CAMK1D: variants seen among roughly 807,000 people sequenced by gnomAD.
CAMK1D encodes calcium/calmodulin-dependent protein kinase type 1D.
CAMK1D carries 9 observed loss-of-function variants against 47.7 expected under a neutral mutation model. That is an observed-to-expected ratio of 0.19 (90% confidence interval 0.11 to 0.33). The LOEUF (loss-of-function observed/expected upper bound fraction) is 0.33. CAMK1D is among the 10% of genes least tolerant of loss of function. The pLI, the probability that CAMK1D is intolerant of heterozygous loss-of-function variation, is 1.00. For missense variants in CAMK1D, 291 were observed against 488.7 expected (o/e 0.60, Z 3.81); for synonymous variants, 184 against 184.9 (o/e 0.99, Z 0.04).
At chr10:12,735,536 C>T (rs1023655597) in intron 3 of CAMK1D, among the ~76,000 whole-genome samples, 5 of 152,132 alleles carry the variant, frequency 3.3e-5, no homozygotes, top group Admixed American at 1.3e-4. Context: ...AGCGGAGGGG[C>T]GAACCTTCGG....
chr10:12,666,484 G>A (rs762333228), intron 2 of CAMK1D, among the ~76,000 whole-genome samples: 1 of 152,154 alleles, frequency 6.6e-6, no homozygotes, highest in Non-Finnish European at 1.5e-5. Flanking sequence ...TTCACATGAA[G>A]CAACAATTGT....
At chr10:12,424,241 T>C (rs1016126559) in intron 1 of CAMK1D, among the ~76,000 whole-genome samples, 2 of 152,082 alleles carry the variant, frequency 1.3e-5, no homozygotes, top group Non-Finnish European at 2.9e-5. Context: ...GTGAGCTCCA[T>C]TGTCCCCTCC....
chr10:12,814,917 T>C (rs1486140291), intron 7 of CAMK1D, among the ~76,000 whole-genome samples: 1 of 152,146 alleles, frequency 6.6e-6, no homozygotes, highest in Non-Finnish European at 1.5e-5. Context: ...ATCCACCTCT[T>C]CTAGCCATGC....
intron 3 of CAMK1D, among the ~76,000 whole-genome samples, chr10:12,695,901 A>T (rs1833276004): frequency 6.6e-6 from 1 of 152,020 alleles, no homozygotes; most frequent in African/African-American, 2.4e-5. Flanking sequence ...ACATAGTGAA[A>T]CCCCGTCTCT....
intron 1 of CAMK1D, among the ~76,000 whole-genome samples, chr10:12,486,789 A>G (rs962214131): frequency 1.3e-5 from 2 of 152,136 alleles, no homozygotes; most frequent in African/African-American, 4.8e-5. Context: ...CATTTCATGC[A>G]TTACCAGGCA....
intron 3 of CAMK1D, among the ~76,000 whole-genome samples, chr10:12,745,371 T>C (rs1169289480): frequency 6.6e-6 from 1 of 152,132 alleles, no homozygotes; most frequent in African/African-American, 2.4e-5. Flanking sequence ...CCAAAGCTTA[T>C]AGTTATTTTC....
intron 2 of CAMK1D, among the ~76,000 whole-genome samples, chr10:12,613,316 G>A (rs569470926): frequency 3.3e-5 from 5 of 152,322 alleles, no homozygotes; most frequent in African/African-American, 9.6e-5. Flanking sequence ...GCAGCAGCAC[G>A]CTAGTGGTAA....
At chr10:12,355,713 A>G (rs2131833512) in intron 1 of CAMK1D, among the ~76,000 whole-genome samples, 1 of 152,288 alleles carries the variant, frequency 6.6e-6, no homozygotes, top group Admixed American at 6.5e-5. Flanking sequence ...TGGATTCCCC[A>G]GTCCTCTTGT....
At chr10:12,801,347 ATCT>A (rs1232086072) in intron 6 of CAMK1D, among the ~76,000 whole-genome samples, 126 of 106,528 alleles carry the variant, frequency 1.2e-3, no homozygotes, top group Middle Eastern at 4.5e-3. Flanking sequence ...CTATCTATCT[ATCT>A]ATCTTATCTA....
At chr10:12,376,844 T>C (rs971168161) in intron 1 of CAMK1D, among the ~76,000 whole-genome samples, 1 of 151,244 alleles carries the variant, frequency 6.6e-6, no homozygotes, top group Non-Finnish European at 1.5e-5. Context: ...ATCTCCACCC[T>C]CTGCCTCCTA....
chr10:12,744,656 T>A lies in CAMK1D; in HGVS notation c.300-16292T>A, dbSNP rs1835581736. Among the ~76,000 whole-genome samples the A allele has an allele frequency of 2.6e-5, 4 of 151,738 alleles. No homozygotes were observed. In the South Asian group the frequency reaches 8.3e-4, roughly 32 times the overall value. The stretch of plus-strand genomic sequence containing the variant: ...CCTGTATCCCAGCACTTTGGGAGGC[T>A]GAAGTGGGAGGATCACTTGAGGCTG... On this transcript the variant is annotated intron_variant, in intron 3 of 10. Coordinates refer to ENST00000619168, the MANE Select transcript of CAMK1D (RefSeq NM_153498.4).
At chr10:12,563,860 T>C (rs1469832884) in intron 2 of CAMK1D, among the ~76,000 whole-genome samples, 1 of 152,236 alleles carries the variant, frequency 6.6e-6, no homozygotes, top group Non-Finnish European at 1.5e-5. Context: ...TTAAAACCAG[T>C]GTTGCGTCTT....
intron 1 of CAMK1D, among the ~76,000 whole-genome samples, chr10:12,358,778 T>TA (rs933415155): frequency 3.3e-5 from 5 of 152,108 alleles, no homozygotes; most frequent in Admixed American, 2.6e-4. Context: ...TTCAGTGACA[T>TA]ATGTGAGGTA....
chr10:12,718,708 G>A (rs1464152827), intron 3 of CAMK1D, among the ~76,000 whole-genome samples: 4 of 152,128 alleles, frequency 2.6e-5, no homozygotes, highest in Admixed American at 1.3e-4. Context: ...TCTTCAAAAT[G>A]GTTTTACCAC....
intron 1 of CAMK1D, among the ~76,000 whole-genome samples, chr10:12,546,657 G>A (rs1414228551): frequency 6.6e-6 from 1 of 152,102 alleles, no homozygotes; most frequent in Non-Finnish European, 1.5e-5. Context: ...CATGTCCTTT[G>A]TAGGGACATG....
chr10:12,404,267 A>G (rs1414905537), intron 1 of CAMK1D, among the ~76,000 whole-genome samples: 1 of 152,070 alleles, frequency 6.6e-6, no homozygotes, highest in Non-Finnish European at 1.5e-5. Flanking sequence ...CTGGTCTCGA[A>G]CTCCTGACTT....
chr10:12,379,986 G>A (rs1386848380), intron 1 of CAMK1D, among the ~76,000 whole-genome samples: 2 of 151,856 alleles, frequency 1.3e-5, no homozygotes, highest in Non-Finnish European at 2.9e-5. Flanking sequence ...AGGCCGAGGC[G>A]GGCGGATCAT....
intron 3 of CAMK1D, among the ~76,000 whole-genome samples, chr10:12,703,382 G>A (rs1054530550): frequency 2.6e-5 from 4 of 152,108 alleles, no homozygotes; most frequent in African/African-American, 9.7e-5. Context: ...CGCAGGGCTC[G>A]GAACAGAAGC....
At chr10:12,607,348 C>G (rs908832656) in intron 2 of CAMK1D, among the ~76,000 whole-genome samples, 9 of 152,188 alleles carry the variant, frequency 5.9e-5, no homozygotes, top group African/African-American at 2.2e-4. Flanking sequence ...TGTATGAGAA[C>G]CTCCTAGTAA....
Sources: gnomAD v4.1 joint callset for allele counts (sites outside exome capture counted in the v4.1 genomes callset) on GRCh38, gnomAD v4.1.1 for gene constraint, MANE v1.5 for transcripts, NCBI Gene and HGNC (gene_info 2026-07-23, HGNC 2026-07-21) for gene names.